Variants in MGAT5B observed in about 807,000 individuals in gnomAD.
MGAT5B encodes N-acetylglucosaminyl-transferase Vb.
MGAT5B carries 54 observed loss-of-function variants against 95.1 expected under a neutral mutation model. The ratio of observed to expected loss-of-function variants is 0.57; its 90% CI spans 0.46 to 0.71. The LOEUF (loss-of-function observed/expected upper bound fraction) is 0.71, where lower values mean the gene tolerates loss of function less well. MGAT5B is among the 30% of genes least tolerant of loss of function. The probability of loss-of-function intolerance (pLI) is 0.00; values close to 1 mark genes in which losing one functional copy is unlikely to be tolerated. For missense variants in MGAT5B, 935 were observed against 1,088.6 expected (o/e 0.86, Z 1.99); for synonymous variants, 464 against 451.0 (o/e 1.03, Z -0.36).
At chr17:76,948,178 G>C in intron 17 of MGAT5B, 92 bp downstream of exon 17, 1 of 1,477,634 alleles carries the variant, frequency 6.8e-7, no homozygotes, top group Non-Finnish European at 9.0e-7. Flanking sequence ...CCGGCCCTCA[G>C]CCCTGCCAGT....
At chr17:76,891,646 G>C (rs139874423) in intron 3 of MGAT5B, among the ~76,000 whole-genome samples, 1,609 of 152,174 alleles carry the variant, frequency 0.011, 30 homozygotes, top group African/African-American at 0.037. Flanking sequence ...TCCCAGAGTG[G>C]TGGGATTACA....
At position 76,904,383 on chromosome 17, in the gene MGAT5B, G is replaced by A. The variant is rs61736672; in HGVS notation, c.651G>A (p.Thr217=). The A allele has an allele frequency of 1.5e-3, 2,387 of 1,572,252 alleles. 31 individuals carry two copies. In the African/African-American group the frequency reaches 0.029, roughly 19 times the overall value. The change falls in exon 6 of 18, where the codon ACG becomes ACA. Residue 217 remains threonine, a synonymous_variant. Coordinates refer to ENST00000569840, the MANE Select transcript of MGAT5B (RefSeq NM_001199172.2). ...FCPPLPWRNQ[T]AAQRAPKPLP... is the part of the protein sequence containing the mutation. Reference sequence around the variant, plus strand: ...CCCCGCTGCCCTGGAGGAACCAGACGGCTGCCCAGAGGGCACCCAAGCCCC... The same window carrying A: ...CCCCGCTGCCCTGGAGGAACCAGACAGCTGCCCAGAGGGCACCCAAGCCCC...
At position 76,869,240 on chromosome 17, in the gene MGAT5B, C is replaced by G; in HGVS notation, c.68+143C>G. 1.5e-6 allele frequency: 1 copy of G among 679,938 alleles called. No individual in the cohort carries two copies. Among genetic ancestry groups the G allele is most frequent in the Non-Finnish European group, 2.6e-6 (1 of 383,660 alleles). 42.1% of individuals were successfully genotyped at this position (679,938 alleles called of 1,614,324 possible). A position where few individuals can be genotyped will look rare whatever the true frequency, so the allele number is the denominator to read the frequency against. ...CCTGGTGATGACCAGTGGGGCTGGG[C>G]TGGGGGAACGGATGGCGTTGGGGTT... On this transcript the variant is annotated intron_variant, in intron 1 of 17. Coordinates refer to ENST00000569840, the MANE Select transcript of MGAT5B (RefSeq NM_001199172.2). This position sits in a 1 kb window ranked among gnomAD's most constrained non-coding sequence, Gnocchi z 7.0.
Position 76,914,723 on chromosome 17 carries a change from C to T in MGAT5B, c.1025+8536C>T, listed in dbSNP as rs1009206456. ...GCGCAGTCTCGGCTCACTGCATCCT[C>T]CACCTCCGGGTTCAAGTGATTCTCC... On this transcript the variant is annotated intron_variant, in intron 8 of 17. Transcript: ENST00000569840. This position sits in a 1 kb window ranked among gnomAD's most constrained non-coding sequence, Gnocchi z 5.1. Among the ~76,000 whole-genome samples, 7 of 152,090 alleles carry T rather than the reference C, an allele frequency of 4.6e-5. No homozygotes were observed. The highest frequency in any genetic ancestry group is 1.7e-4 in the African/African-American group (7 of 41,358).
intron 8 of MGAT5B, among the ~76,000 whole-genome samples, chr17:76,910,797 G>C (rs551629931): frequency 6.6e-6 from 1 of 152,218 alleles, no homozygotes; most frequent in Non-Finnish European, 1.5e-5. Flanking sequence ...GCTGTGCTCC[G>C]ATGCCCTGGC....
intron 3 of MGAT5B, among the ~76,000 whole-genome samples, chr17:76,882,818 G>C (rs1481193950): frequency 6.8e-6 from 1 of 147,926 alleles, no homozygotes; most frequent in East Asian, 2.0e-4. Context: ...GGGTTCAAGC[G>C]ATCCTCCCAC....
At chr17:76,943,037 C>CCCCAA (rs10628067) in intron 15 of MGAT5B, among the ~76,000 whole-genome samples, 2 of 151,594 alleles carry the variant, frequency 1.3e-5, no homozygotes, top group Non-Finnish European at 2.9e-5. Context: ...ATAACTTGCC[C>CCCCAA]CCCCGGGAGG....
intron 4 of MGAT5B, 103 bp from the exon 5 acceptor site, chr17:76,903,200 G>T: frequency 2.3e-6 from 2 of 879,356 alleles, no homozygotes; most frequent in African/African-American, 3.5e-5. Flanking sequence ...AGGTGGGAAA[G>T]CCTGGCAGCG....
At chr17:76,893,885 C>T (rs1410358866) in intron 3 of MGAT5B, among the ~76,000 whole-genome samples, 1 of 152,230 alleles carries the variant, frequency 6.6e-6, no homozygotes, top group Non-Finnish European at 1.5e-5. Flanking sequence ...TGCCCCCACC[C>T]TGTGCATGGA....
rs1323732106 is a variant in MGAT5B, at chr17:76,948,670, G to A, written c.2211G>A (p.Ser737=). The change falls in exon 18 of 18, where the codon TCG becomes TCA. Residue 737 remains serine (S), a synonymous_variant. Coordinates refer to ENST00000569840, the MANE Select transcript of MGAT5B (RefSeq NM_001199172.2). ...KLQVPCDSTE[S]EMNHLYPAFA... ...AGGTGCCCTGTGACAGCACCGAGTCGGAGATGAACCACCTGTACCCGGCGT... is the reference window on the plus strand; with the variant it reads ...AGGTGCCCTGTGACAGCACCGAGTCAGAGATGAACCACCTGTACCCGGCGT... 7.4e-6 allele frequency: 12 copies of A among 1,613,046 alleles called. No individual in the cohort carries two copies. Among genetic ancestry groups the A allele is most frequent in the African/African-American group, 1.3e-5 (1 of 74,942 alleles).
rs748656669 is a variant in MGAT5B at position 76,903,381 on chromosome 17, G to C, written c.519+5G>C. On this transcript the variant is annotated splice_donor_5th_base_variant and intron_variant, in intron 5 of 17. Coordinates refer to ENST00000569840, the MANE Select transcript of MGAT5B (RefSeq NM_001199172.2). ...GACTGCTCAGGGAAGGTGGAGGTGA[G>C]GCCTGGGGCTGAGGGGTGGGGATGT... The C allele has an allele frequency of 1.2e-6, 2 of 1,608,426 alleles. No individual in the cohort carries two copies. The highest frequency in any genetic ancestry group is 8.5e-7 in the Non-Finnish European group (1 of 1,177,152).
At chr17:76,946,254 C>A in intron 15 of MGAT5B, 122 bp from the exon 16 acceptor site, 1 of 772,826 alleles carries the variant, frequency 1.3e-6, no homozygotes, top group Non-Finnish European at 2.0e-6. Context: ...GGGTGGTCGG[C>A]TCCCTGGGCA....
Position 76,869,124 on chromosome 17 carries a change from TC to T in MGAT5B, c.68+31del. 1 of 1,608,284 alleles carries T rather than the reference TC, an allele frequency of 6.2e-7. No individual in the cohort carries two copies. Among genetic ancestry groups the T allele is most frequent in the Non-Finnish European group, 8.5e-7 (1 of 1,174,870 alleles). ...TAAAGTTCCCTCCTGGTTGGTTTTT[TC>T]CCCAGGGGGGCGCCGGGTGGAGGTG... On this transcript the variant is annotated intron_variant, in intron 1 of 17. Transcript: ENST00000569840. This position sits in a 1 kb window ranked among gnomAD's most constrained non-coding sequence, Gnocchi z 7.0.
chr17:76,897,196 C>T (rs138618015), intron 3 of MGAT5B, among the ~76,000 whole-genome samples: 4 of 152,296 alleles, frequency 2.6e-5, no homozygotes, highest in Admixed American at 6.5e-5. Context: ...GGACTACAGG[C>T]GTGAACCTCT....
Position 76,940,499 on chromosome 17 carries a change from A to G in MGAT5B, c.1682A>G (p.His561Arg). The change falls in exon 14 of 18, where the codon CAC (histidine) becomes CGC (arginine). Residue 561 changes from histidine to arginine, a missense_variant. Physicochemically the swap from His to Arg is conservative, Grantham distance 29. Coordinates refer to ENST00000569840, the MANE Select transcript of MGAT5B (RefSeq NM_001199172.2). The surrounding 1 kb of genome is among the most constrained non-coding windows in gnomAD (Gnocchi z 4.3). ...IFLQSRFSPPHSSLNHEFFRG... is the reference protein window; with the variant it reads ...IFLQSRFSPPRSSLNHEFFRG... ...CTGCAGTCCCGCTTCAGCCCGCCCC[A>G]CAGCTCCCTCAACCACGAGTTCTTC... The G allele has an allele frequency of 6.2e-7, 1 of 1,613,660 alleles. No homozygotes were observed. Among genetic ancestry groups the G allele is most frequent in the Non-Finnish European group, 8.5e-7 (1 of 1,179,814 alleles).
intron 8 of MGAT5B, among the ~76,000 whole-genome samples, chr17:76,909,462 G>T (rs1212418561): frequency 6.6e-6 from 1 of 152,164 alleles, no homozygotes; most frequent in Non-Finnish European, 1.5e-5. Flanking sequence ...GTTTCCTTGT[G>T]AGTCCCCACC....
rs598755 is a variant in MGAT5B at position 76,906,376 on chromosome 17, C to G, written c.1025+189C>G. Among the ~76,000 whole-genome samples the G allele has an allele frequency of 0.13, 20,419 of 152,216 alleles. 1,785 individuals carry two copies. The highest frequency in any genetic ancestry group is 0.22 in the African/African-American group (9,100 of 41,528). On this transcript the variant is annotated intron_variant, in intron 8 of 17. Coordinates refer to ENST00000569840, the MANE Select transcript of MGAT5B (RefSeq NM_001199172.2). This position sits in a 1 kb window ranked among gnomAD's most constrained non-coding sequence, Gnocchi z 4.6. The stretch of plus-strand genomic sequence containing the variant: ...CCTAATCCCCCTCCTCCTGCCCGGT[C>G]TTGGGGGATGTGGCAGGGAAGTGTA...
At position 76,915,271 on chromosome 17, in the gene MGAT5B, C is replaced by G. The variant is rs796803354; in HGVS notation, c.1025+9084C>G. ...CCCAGGAGGAGGGACAGGGACAGCT[C>G]TTCTGCCCTGAGAGGAGAGAAGGAG... On this transcript the variant is annotated intron_variant, in intron 8 of 17. Coordinates refer to ENST00000569840, the MANE Select transcript of MGAT5B (RefSeq NM_001199172.2). The surrounding 1 kb of genome is among the most constrained non-coding windows in gnomAD (Gnocchi z 8.7). Among the ~76,000 whole-genome samples the G allele has an allele frequency of 6.9e-6, 1 of 145,950 alleles. No homozygotes were observed. The highest frequency in any genetic ancestry group is 2.2e-4 in the South Asian group (1 of 4,538).
chr17:76,897,731 C>CTT (rs59682650), intron 3 of MGAT5B, among the ~76,000 whole-genome samples: 1 of 84,848 alleles, frequency 1.2e-5, no homozygotes, highest in Non-Finnish European at 2.5e-5. Context: ...CTTTCTTTTT[C>CTT]TTTTTTTTTT....
Sources: gnomAD v4.1 joint callset for allele counts (sites outside exome capture counted in the v4.1 genomes callset) on GRCh38, gnomAD v4.1.1 for gene constraint, Gnocchi (gnomAD v3.1) non-coding constraint, MANE v1.5 for transcripts, NCBI Gene and HGNC (gene_info 2026-07-23, HGNC 2026-07-21) for gene names.